The following RAB30 variants were observed in gnomAD, a reference collection of about 807,000 sequenced individuals.
RAB30 encodes ras-related protein Rab-30.
RAB30 carries 9 observed loss-of-function variants against 25.1 expected under a neutral mutation model. The ratio of observed to expected loss-of-function variants is 0.36; its 90% CI spans 0.22 to 0.63. The LOEUF (loss-of-function observed/expected upper bound fraction) is 0.63. Among genes scored for constraint, RAB30 ranks in the 20% least tolerant of loss-of-function variants. The pLI is 0.69. For synonymous variants in RAB30, 77 were observed against 86.4 expected, an observed-to-expected ratio of 0.89 and a Z score of 0.60; for missense variants, 140 against 243.5, an observed-to-expected ratio of 0.58 and a Z score of 2.83.
chr11:83,012,591 T>A (rs1287946488), intron 1 of RAB30, among the ~76,000 whole-genome samples: 1 of 152,170 alleles, frequency 6.6e-6, no homozygotes, highest in Non-Finnish European at 1.5e-5. Flanking sequence ...ACCTATCCTA[T>A]GTGTATTTAT....
chr11:82,988,186 T>C (rs989131272), intron 3 of RAB30, among the ~76,000 whole-genome samples: 7 of 152,170 alleles, frequency 4.6e-5, no homozygotes, highest in Non-Finnish European at 1.0e-4. Flanking sequence ...CTTGCATGAA[T>C]AAACTGAGGC....
At chr11:82,982,691 G>A (rs1425283289) in intron 4 of RAB30, among the ~76,000 whole-genome samples, 5 of 151,944 alleles carry the variant, frequency 3.3e-5, no homozygotes, top group Admixed American at 3.3e-4. Flanking sequence ...GTGAAACCCC[G>A]TCTCTACTAA....
At chr11:83,001,046 C>CAAAAAAA (rs1181057652) in intron 1 of RAB30, among the ~76,000 whole-genome samples, 1 of 53,632 alleles carries the variant, frequency 1.9e-5, no homozygotes, top group African/African-American at 7.7e-5. Context: ...GACTCCGTCT[C>CAAAAAAA]AAAAAAAAAA....
rs747263847 is a variant in RAB30 at position 83,017,662 on chromosome 11, G to A, written c.-8-20338C>T. The stretch of plus-strand genomic sequence containing the variant: ...TTCCATTCCTGAATTATTTCACTTA[G>A]AATAATGATCTCCAACTCCATCCAG... On this transcript the variant is annotated intron_variant, in intron 1 of 4. Coordinates refer to ENST00000527633, the MANE Select transcript of RAB30 (RefSeq NM_001286060.2). 3.3e-5 allele frequency among the ~76,000 whole-genome samples: 5 copies of A among 151,992 alleles called. No individual in the cohort carries two copies. In the South Asian group the frequency reaches 1.0e-3, roughly 31 times the overall value.
At chr11:83,033,055 CTTTTTTTTTTT>C (rs71463144) in intron 1 of RAB30, among the ~76,000 whole-genome samples, 31 of 77,868 alleles carry the variant, frequency 4.0e-4, no homozygotes, top group South Asian at 9.4e-4. Flanking sequence ...GCCTCAAATT[CTTTTTTTTTTT>C]TTTTTTTTTT....
intron 1 of RAB30, among the ~76,000 whole-genome samples, chr11:83,017,404 T>C (rs909177726): frequency 6.6e-6 from 1 of 152,108 alleles, no homozygotes; most frequent in Non-Finnish European, 1.5e-5. Context: ...ATTTAAATAG[T>C]TTTTGGGGAA....
At chr11:83,011,087 CCTTTT>C (rs1857291997) in intron 1 of RAB30, among the ~76,000 whole-genome samples, 1 of 152,136 alleles carries the variant, frequency 6.6e-6, no homozygotes, top group Admixed American at 6.5e-5. Context: ...ATTACAGAGA[CCTTTT>C]ATTTTTGAAG....
chr11:83,011,644 A>G (rs1235991729), intron 1 of RAB30, among the ~76,000 whole-genome samples: 1 of 151,954 alleles, frequency 6.6e-6, no homozygotes, highest in Non-Finnish European at 1.5e-5. Context: ...CTAAGTTTTC[A>G]GATCAGAAGA....
chr11:83,014,817 G>T (rs1248719822), intron 1 of RAB30, among the ~76,000 whole-genome samples: 2 of 151,544 alleles, frequency 1.3e-5, no homozygotes, highest in East Asian at 3.9e-4. Context: ...AGGAAGGAAG[G>T]AAGGAAGAGA....
chr11:83,037,107 G>C lies in RAB30; in HGVS notation c.-9+34584C>G, dbSNP rs1211565257. The stretch of plus-strand genomic sequence containing the variant: ...TAAGAATAGGGGAGAGATAATGGTG[G>C]CCTGGACCAAGATAATGGTAGGGGA... On this transcript the variant is annotated intron_variant, in intron 1 of 4. Transcript: ENST00000527633. Among the ~76,000 whole-genome samples, 6 of 152,208 alleles carry C rather than the reference G, an allele frequency of 3.9e-5. No individual in the cohort carries two copies. The East Asian group carries it at 1.2e-3, about 29-fold the overall frequency.
intron 1 of RAB30, among the ~76,000 whole-genome samples, chr11:83,018,892 C>T (rs1239617532): frequency 6.6e-6 from 1 of 152,238 alleles, no homozygotes; most frequent in African/African-American, 2.4e-5. Context: ...CATTCTTCTA[C>T]ATGTCGCTGG....
At position 82,977,550 on chromosome 11, in the gene RAB30, G is replaced by A. The variant is rs1051282830; in HGVS notation, c.*4615C>T. 2.0e-5 allele frequency: 3 copies of A among 152,124 alleles called. No individual in the cohort carries two copies. The highest frequency in any genetic ancestry group is 2.9e-5 in the Non-Finnish European group (2 of 68,034). The allele number at this position is 152,124 out of a possible 1,614,324, so 9.4% of individuals were successfully genotyped here. On this transcript the variant is annotated 3_prime_UTR_variant, in exon 5 of 5. Transcript: ENST00000527633. Reference sequence around the variant, plus strand: ...CTGTCCCATAGTGAACCAACTTTTTGAGAATGGTCGCCCTGACATGGAACC... The same window carrying A: ...CTGTCCCATAGTGAACCAACTTTTTAAGAATGGTCGCCCTGACATGGAACC...
chr11:83,036,307 C>T (rs984046714), intron 1 of RAB30, among the ~76,000 whole-genome samples: 3 of 151,950 alleles, frequency 2.0e-5, no homozygotes, highest in African/African-American at 7.3e-5. Flanking sequence ...GTTGGGAATA[C>T]AGGCAGGCAC....
chr11:82,974,376 A>C lies in RAB30; in HGVS notation c.*7789T>G, dbSNP rs2121414186. The C allele has an allele frequency of 6.6e-6, 1 of 152,212 alleles. No homozygotes were observed. The highest frequency in any genetic ancestry group is 3.4e-3 in the Middle Eastern group (1 of 294). The allele number at this position is 152,212 out of a possible 1,614,324, so 9.4% of individuals were successfully genotyped here. On this transcript the variant is annotated 3_prime_UTR_variant, in exon 5 of 5. Transcript: ENST00000527633. ...TTTCATACAATCACCTTTCTACAGA[A>C]GGTTTTCAGCTAATTGGACTCGGGT...
chr11:83,003,180 G>A (rs1857120862), intron 1 of RAB30, among the ~76,000 whole-genome samples: 1 of 152,206 alleles, frequency 6.6e-6, no homozygotes, highest in African/African-American at 2.4e-5. Flanking sequence ...AAATGGGGAT[G>A]ATATTAGAAT....
At chr11:83,040,654 G>C (rs537846687) in intron 1 of RAB30, among the ~76,000 whole-genome samples, 1 of 151,872 alleles carries the variant, frequency 6.6e-6, no homozygotes, top group South Asian at 2.1e-4. Context: ...TGATTTTCTT[G>C]GATCACTCCT....
intron 1 of RAB30, among the ~76,000 whole-genome samples, chr11:83,049,526 G>A (rs1348148655): frequency 6.6e-6 from 1 of 151,820 alleles, no homozygotes; most frequent in African/African-American, 2.4e-5. Flanking sequence ...TGTTGCCCAG[G>A]CTGGGGTTCA....
At chr11:82,998,393 C>G (rs369570507) in intron 1 of RAB30, among the ~76,000 whole-genome samples, 3 of 151,892 alleles carry the variant, frequency 2.0e-5, no homozygotes, top group African/African-American at 7.3e-5. Context: ...GAACCTTATA[C>G]AAAAATTACC....
chr11:83,026,663 T>G (rs1857722127), intron 1 of RAB30, among the ~76,000 whole-genome samples: 1 of 151,972 alleles, frequency 6.6e-6, no homozygotes, highest in African/African-American at 2.4e-5. Context: ...TTCTTTGTAG[T>G]AATGCAAAAA....
Sources: gnomAD v4.1 joint callset for allele counts (sites outside exome capture counted in the v4.1 genomes callset) on GRCh38, gnomAD v4.1.1 for gene constraint, MANE v1.5 for transcripts, NCBI Gene and HGNC (gene_info 2026-07-23, HGNC 2026-07-21) for gene names.